Variants in MACROD2 observed in about 807,000 individuals in gnomAD.
The protein encoded by MACROD2 is ADP-ribose glycohydrolase MACROD2.
MACROD2 carries 36 observed loss-of-function variants against 70.4 expected under a neutral mutation model. The observed-to-expected ratio is 0.51, with a 90% CI of 0.39 to 0.68. The LOEUF is 0.68. MACROD2 is among the 30% of genes least tolerant of loss of function. The probability of loss-of-function intolerance (pLI) is 0.00; values close to 1 mark genes in which losing one functional copy is unlikely to be tolerated. For missense variants in MACROD2, 496 were observed against 538.4 expected (o/e 0.92, Z 0.78); for synonymous variants, 172 against 178.8 (o/e 0.96, Z 0.30).
chr20:14,734,555 A>T (rs1019070683), intron 5 of MACROD2, among the ~76,000 whole-genome samples: 1 of 151,382 alleles, frequency 6.6e-6, no homozygotes, highest in African/African-American at 2.4e-5. Context: ...GCAAAAAAAA[A>T]AACAACCAAT....
chr20:14,253,590 A>G (rs1350279296), intron 3 of MACROD2, among the ~76,000 whole-genome samples: 2 of 152,180 alleles, frequency 1.3e-5, no homozygotes, highest in South Asian at 2.1e-4. Context: ...ATATGTTTGA[A>G]TTGTTATTAC....
At chr20:14,059,227 A>G (rs374534444) in intron 2 of MACROD2, among the ~76,000 whole-genome samples, 7 of 152,272 alleles carry the variant, frequency 4.6e-5, no homozygotes, top group African/African-American at 1.7e-4. Context: ...GATTCAGATT[A>G]AACTTTATTT....
intron 8 of MACROD2, among the ~76,000 whole-genome samples, chr20:15,581,941 G>T (rs1226052101): frequency 6.6e-6 from 1 of 152,148 alleles, no homozygotes; most frequent in Non-Finnish European, 1.5e-5. Flanking sequence ...GGGCAACATG[G>T]GGAAACCCCG....
intron 3 of MACROD2, among the ~76,000 whole-genome samples, chr20:14,293,171 CAA>C (rs2082399939): frequency 6.6e-6 from 1 of 151,492 alleles, no homozygotes; most frequent in African/African-American, 2.4e-5. Flanking sequence ...ATTTACCCAA[CAA>C]ATATTATTGA....
Position 15,687,369 on chromosome 20 carries a change from T to C in MACROD2, c.646-175376T>C, listed in dbSNP as rs138617960. 9.8e-3 allele frequency among the ~76,000 whole-genome samples: 1,490 copies of C among 152,164 alleles called. 22 individuals carry two copies. Among genetic ancestry groups the C allele is most frequent in the African/African-American group, 0.034 (1,427 of 41,490 alleles). ...CGTGATAAATGATAGCAGCTGCTGC[T>C]GCTTCTCTTCCTCTTCCTGTTACTA... is the stretch of plus-strand genomic sequence containing the variant. On this transcript the variant is annotated intron_variant, in intron 8 of 17. Transcript: ENST00000684519.
chr20:14,638,443 T>C (rs2123485592), intron 4 of MACROD2, among the ~76,000 whole-genome samples: 1 of 152,166 alleles, frequency 6.6e-6, no homozygotes, highest in East Asian at 1.9e-4. Context: ...TTTAGGCCAC[T>C]CTAGAGATAG....
At position 14,540,029 on chromosome 20, in the gene MACROD2, A is replaced by G. The variant is rs549801136; in HGVS notation, c.301+46521A>G. On this transcript the variant is annotated intron_variant, in intron 4 of 17. Coordinates refer to ENST00000684519, the MANE Select transcript of MACROD2 (RefSeq NM_001351661.2). Reference sequence around the variant, plus strand: ...CCTTATAGTCTCATAACTCACAGAGAATTATGGTTTAGTTTCAGTTACCAG... The same window carrying G: ...CCTTATAGTCTCATAACTCACAGAGGATTATGGTTTAGTTTCAGTTACCAG... Among the ~76,000 whole-genome samples, 54 of 152,310 alleles carry G rather than the reference A, an allele frequency of 3.5e-4. 3 individuals carry two copies. In the East Asian group the frequency reaches 4.1e-3, roughly 11 times the overall value.
intron 2 of MACROD2, among the ~76,000 whole-genome samples, chr20:14,021,180 G>A (rs934214490): frequency 1.3e-5 from 2 of 151,906 alleles, no homozygotes; most frequent in African/African-American, 4.8e-5. Flanking sequence ...TAGTAGAGAC[G>A]CGGTTTCACC....
At chr20:14,988,800 T>C (rs367902514) in intron 5 of MACROD2, among the ~76,000 whole-genome samples, 3 of 152,320 alleles carry the variant, frequency 2.0e-5, no homozygotes, top group East Asian at 3.9e-4. Flanking sequence ...TACGGTGGGA[T>C]GCTGATGAAA....
intron 3 of MACROD2, among the ~76,000 whole-genome samples, chr20:14,108,287 A>T (rs2054399095): frequency 6.6e-6 from 1 of 152,126 alleles, no homozygotes; most frequent in African/African-American, 2.4e-5. Context: ...CAAGAAATTA[A>T]ATCATGCTAT....
chr20:15,052,296 C>T (rs2075448611), intron 5 of MACROD2, among the ~76,000 whole-genome samples: 1 of 152,070 alleles, frequency 6.6e-6, no homozygotes, highest in African/African-American at 2.4e-5. Context: ...ATACAGGCAT[C>T]GCTTGTTTTA....
intron 4 of MACROD2, among the ~76,000 whole-genome samples, chr20:14,589,502 C>T (rs890430075): frequency 2.0e-5 from 3 of 152,030 alleles, no homozygotes; most frequent in Non-Finnish European, 4.4e-5. Context: ...TTTTTGTTAT[C>T]CTTGTCTGTT....
chr20:15,931,307 A>G (rs1239081896), intron 10 of MACROD2, among the ~76,000 whole-genome samples: 1 of 152,142 alleles, frequency 6.6e-6, no homozygotes, highest in Non-Finnish European at 1.5e-5. Flanking sequence ...GCCATTTAGA[A>G]CACTGAATTT....
intron 3 of MACROD2, chr20:14,325,253 A>G: frequency 4.7e-6 from 1 of 212,948 alleles, no homozygotes; most frequent in Non-Finnish European, 9.2e-6. Context: ...CATCTTACTC[A>G]GTAGAACACA....
At chr20:14,194,755 G>A (rs1439649443) in intron 3 of MACROD2, among the ~76,000 whole-genome samples, 1 of 152,206 alleles carries the variant, frequency 6.6e-6, no homozygotes, top group Non-Finnish European at 1.5e-5. Context: ...GGGTGGGACT[G>A]TTTGGTAGTG....
At chr20:14,077,455 T>G (rs1047684571) in intron 2 of MACROD2, among the ~76,000 whole-genome samples, 10 of 152,236 alleles carry the variant, frequency 6.6e-5, no homozygotes, top group African/African-American at 1.9e-4. Context: ...TCCTTAAGTT[T>G]TCTTTGTAAA....
chr20:14,126,549 T>C (rs1428763500), intron 3 of MACROD2, among the ~76,000 whole-genome samples: 2 of 152,216 alleles, frequency 1.3e-5, no homozygotes, highest in Non-Finnish European at 2.9e-5. Context: ...TAAAGGTTTG[T>C]GGTAACCCTG....
At chr20:14,165,570 C>T (rs2055255907) in intron 3 of MACROD2, among the ~76,000 whole-genome samples, 1 of 152,176 alleles carries the variant, frequency 6.6e-6, no homozygotes. Flanking sequence ...CTTGAACTTG[C>T]TACCTTCTAC....
chr20:15,303,205 C>T (rs1443102226), intron 6 of MACROD2, among the ~76,000 whole-genome samples: 1 of 152,100 alleles, frequency 6.6e-6, no homozygotes, highest in African/African-American at 2.4e-5. Flanking sequence ...TTCAATTTTA[C>T]AGTCTCTATT....
Sources: allele counts gnomAD v4.1 joint callset (sites outside exome capture counted in the v4.1 genomes callset), GRCh38; gene constraint gnomAD v4.1.1; transcripts MANE v1.5; gene names NCBI Gene and HGNC (gene_info 2026-07-23, HGNC 2026-07-21).